Variants in GABRB1 observed in about 807,000 individuals in gnomAD.
GABRB1 encodes gamma-aminobutyric acid type A receptor subunit beta1, also known as gamma-aminobutyric acid receptor subunit beta-1.
Under a neutral mutation model 51.6 loss-of-function variants are expected in GABRB1, and 17 were observed. The ratio of observed to expected loss-of-function variants is 0.33; its 90% confidence interval spans 0.23 to 0.49. The LOEUF (loss-of-function observed/expected upper bound fraction) is 0.49, where lower values mean the gene tolerates loss of function less well. Among genes scored for constraint, GABRB1 ranks in the 20% least tolerant of loss-of-function variants. The pLI is 0.99. For synonymous variants in GABRB1, 247 were observed against 218.9 expected (o/e 1.13, Z -1.14); for missense variants, 410 against 600.6 (o/e 0.68, Z 3.32).
Position 47,269,506 on chromosome 4 carries a change from T to C in GABRB1, c.462-50621T>C, listed in dbSNP as rs748690637. ...AGTGATAGATGGCTCCAGTGGGGTTTAGTGTGAGGTGTGGGGGAGGGGGTA... is the reference window on the plus strand; with the variant it reads ...AGTGATAGATGGCTCCAGTGGGGTTCAGTGTGAGGTGTGGGGGAGGGGGTA... On this transcript the variant is annotated intron_variant, in intron 4 of 8. Coordinates refer to ENST00000295454, the MANE Select transcript of GABRB1 (RefSeq NM_000812.4). Among the ~76,000 whole-genome samples the C allele has an allele frequency of 1.8e-4, 27 of 152,116 alleles. 1 individual carries two copies. The highest frequency in any genetic ancestry group is 7.2e-4 in the Admixed American group (11 of 15,258).
At chr4:47,364,853 G>GA (rs35258609) in intron 5 of GABRB1, among the ~76,000 whole-genome samples, 81,968 of 151,416 alleles carry the variant, frequency 0.54, 22,784 homozygotes, top group African/African-American at 0.62. Context: ...AAATGGAATA[G>GA]AAAAAAAAGA....
chr4:47,412,011 A>C (rs1405318585), intron 8 of GABRB1, among the ~76,000 whole-genome samples: 3 of 152,194 alleles, frequency 2.0e-5, no homozygotes, highest in African/African-American at 7.2e-5. Context: ...AGCAGTTCTT[A>C]CCATAAATGC....
chr4:47,278,799 T>A (rs1212622513), intron 4 of GABRB1, among the ~76,000 whole-genome samples: 1 of 152,126 alleles, frequency 6.6e-6, no homozygotes, highest in African/African-American at 2.4e-5. Flanking sequence ...GGATATTTCA[T>A]CATAGTTTTT....
intron 3 of GABRB1, among the ~76,000 whole-genome samples, chr4:47,101,325 C>T (rs189163225): frequency 1.8e-4 from 28 of 152,022 alleles, no homozygotes; most frequent in Admixed American, 3.9e-4. Flanking sequence ...CAGACATTAA[C>T]CTCAAAACAA....
chr4:47,055,524 C>T (rs1194170362), intron 3 of GABRB1, among the ~76,000 whole-genome samples: 1 of 152,154 alleles, frequency 6.6e-6, no homozygotes, highest in Non-Finnish European at 1.5e-5. Flanking sequence ...ATGTTAATTA[C>T]ATTCCCCGAA....
At chr4:47,062,407 T>C (rs1434342633) in intron 3 of GABRB1, among the ~76,000 whole-genome samples, 1 of 150,008 alleles carries the variant, frequency 6.7e-6, no homozygotes. Context: ...CTCTAGATAA[T>C]TTGGCTTATC....
chr4:47,377,887 G>C (rs1457065599), intron 5 of GABRB1, among the ~76,000 whole-genome samples: 1 of 152,188 alleles, frequency 6.6e-6, no homozygotes, highest in Non-Finnish European at 1.5e-5. Flanking sequence ...CCTTGAGCTA[G>C]ATACAGAGTG....
chr4:47,124,959 G>GT (rs1357032856), intron 3 of GABRB1, among the ~76,000 whole-genome samples: 1 of 152,064 alleles, frequency 6.6e-6, no homozygotes, highest in African/African-American at 2.4e-5. Context: ...AATGGGAGGG[G>GT]TATGGACATC....
chr4:47,340,477 A>T (rs1725844398), intron 5 of GABRB1, among the ~76,000 whole-genome samples: 1 of 152,262 alleles, frequency 6.6e-6, no homozygotes, highest in Non-Finnish European at 1.5e-5. Flanking sequence ...TATTTCTTAC[A>T]GTTCTACAGT....
chr4:47,120,335 G>T (rs1304913776), intron 3 of GABRB1, among the ~76,000 whole-genome samples: 2 of 152,114 alleles, frequency 1.3e-5, no homozygotes, highest in Non-Finnish European at 2.9e-5. Context: ...AGATTTTCCA[G>T]ACAGAAAATC....
intron 4 of GABRB1, among the ~76,000 whole-genome samples, chr4:47,213,316 T>A (rs1369018178): frequency 6.6e-6 from 1 of 152,224 alleles, no homozygotes; most frequent in Non-Finnish European, 1.5e-5. Flanking sequence ...AAGCATGAGT[T>A]AAATGCTTTA....
intron 3 of GABRB1, among the ~76,000 whole-genome samples, chr4:47,157,966 G>T (rs1442783320): frequency 6.6e-6 from 1 of 151,864 alleles, no homozygotes; most frequent in Non-Finnish European, 1.5e-5. Flanking sequence ...TAGCAAATTG[G>T]GTACATTATT....
intron 4 of GABRB1, among the ~76,000 whole-genome samples, chr4:47,166,139 A>G (rs1233562162): frequency 6.6e-6 from 1 of 152,118 alleles, no homozygotes; most frequent in Non-Finnish European, 1.5e-5. Flanking sequence ...ATTTCTGTAA[A>G]CATATCTGAG....
chr4:47,311,901 T>C (rs1351278843), intron 4 of GABRB1, among the ~76,000 whole-genome samples: 1 of 152,134 alleles, frequency 6.6e-6, no homozygotes, highest in Non-Finnish European at 1.5e-5. Context: ...TTGCTGAGGC[T>C]TTCCAAAGGG....
upstream of GABRB1, among the ~76,000 whole-genome samples, chr4:47,027,138 A>G (rs1022037594): frequency 2.6e-5 from 4 of 151,650 alleles, no homozygotes; most frequent in Non-Finnish European, 4.4e-5. Flanking sequence ...ATGGCTTAGA[A>G]CATCTCTTTA....
At chr4:47,423,915 A>G (rs548659630) in intron 8 of GABRB1, among the ~76,000 whole-genome samples, 6 of 152,346 alleles carry the variant, frequency 3.9e-5, no homozygotes, top group African/African-American at 1.4e-4. Context: ...GATAAATTAC[A>G]TAGTAGAATT....
At chr4:47,147,599 T>C (rs558093058) in intron 3 of GABRB1, among the ~76,000 whole-genome samples, 1 of 152,094 alleles carries the variant, frequency 6.6e-6, no homozygotes, top group Non-Finnish European at 1.5e-5. Flanking sequence ...ATGCAGGCCA[T>C]GATGACAGCC....
At chr4:47,297,091 C>G (rs1469884571) in intron 4 of GABRB1, among the ~76,000 whole-genome samples, 1 of 152,044 alleles carries the variant, frequency 6.6e-6, no homozygotes, top group African/African-American at 2.4e-5. Context: ...ACCAGAATCT[C>G]TGGGACACAT....
chr4:47,141,362 C>T (rs909143095), intron 3 of GABRB1, among the ~76,000 whole-genome samples: 17 of 151,910 alleles, frequency 1.1e-4, no homozygotes, highest in African/African-American at 3.6e-4. Flanking sequence ...AAATTTCCCA[C>T]ATAATTATAA....
Sources: allele counts gnomAD v4.1 joint callset (sites outside exome capture counted in the v4.1 genomes callset), GRCh38; gene constraint gnomAD v4.1.1; transcripts MANE v1.5; gene names NCBI Gene and HGNC (gene_info 2026-07-23, HGNC 2026-07-21).